The following GPHN variants were observed in gnomAD, a reference collection of about 807,000 sequenced individuals.
The protein encoded by GPHN is gephyrin.
Under a neutral mutation model 95.5 loss-of-function variants are expected in GPHN, and 17 were observed. The ratio of observed to expected loss-of-function variants is 0.18; its 90% CI spans 0.12 to 0.27. The LOEUF is 0.27. Ranked by LOEUF, GPHN falls within the 10% of genes least tolerant of loss-of-function variation. The pLI is 1.00. For missense variants in GPHN, 660 were observed against 978.1 expected, an observed-to-expected ratio of 0.67 and a Z score of 4.34; for synonymous variants, 320 against 322.5, an observed-to-expected ratio of 0.99 and a Z score of 0.08.
At chr14:66,611,509 A>G (rs763747086) in intron 1 of GPHN, among the ~76,000 whole-genome samples, 17 of 152,182 alleles carry the variant, frequency 1.1e-4, no homozygotes, top group Non-Finnish European at 2.2e-4. Context: ...GTTCCATAAC[A>G]AGGTTATTTT....
intron 18 of GPHN, among the ~76,000 whole-genome samples, chr14:67,157,891 G>T (rs1366275631): frequency 6.6e-6 from 1 of 151,778 alleles, no homozygotes; most frequent in Non-Finnish European, 1.5e-5. Flanking sequence ...AGGGGAGAAG[G>T]AAGGAAGGAA....
chr14:67,353,118 A>C, the GPHN span: 3 of 1,099,508 alleles, frequency 2.7e-6, no homozygotes, highest in Non-Finnish European at 4.0e-6. Flanking sequence ...ACCAGTGTTA[A>C]AATTATCCTT....
intron 5 of GPHN, among the ~76,000 whole-genome samples, chr14:66,890,663 A>G (rs903061769): frequency 3.3e-5 from 5 of 152,148 alleles, no homozygotes; most frequent in East Asian, 1.9e-4. Context: ...ATGTTGATGG[A>G]AAAATGCTCA....
At chr14:67,377,265 T>C in the GPHN span, among the ~76,000 whole-genome samples, 1 of 152,212 alleles carries the variant, frequency 6.6e-6, no homozygotes, top group Admixed American at 6.5e-5. Context: ...TCCTGCCTTC[T>C]CTGTACTTGT....
At chr14:66,772,405 C>T (rs1044788549) in intron 2 of GPHN, among the ~76,000 whole-genome samples, 2 of 152,148 alleles carry the variant, frequency 1.3e-5, no homozygotes, top group African/African-American at 4.8e-5. Context: ...TTTTGTTACT[C>T]CTGTGAATAA....
chr14:67,249,468 T>A, the GPHN span, among the ~76,000 whole-genome samples: 16 of 152,216 alleles, frequency 1.1e-4, no homozygotes, highest in Non-Finnish European at 4.4e-5. Context: ...ATCTGACACA[T>A]AGCAGATACT....
the GPHN span, among the ~76,000 whole-genome samples, chr14:67,298,301 G>T: frequency 3.3e-5 from 5 of 152,068 alleles, no homozygotes; most frequent in Non-Finnish European, 7.4e-5. Flanking sequence ...ACCACCTGAG[G>T]TCAGGAGTTC....
At chr14:67,408,621 G>C in the GPHN span, among the ~76,000 whole-genome samples, 1 of 152,142 alleles carries the variant, frequency 6.6e-6, no homozygotes, top group Non-Finnish European at 1.5e-5. Flanking sequence ...AACAGAGACA[G>C]TGGTTGCACT....
chr14:67,420,211 G>A, the GPHN span, among the ~76,000 whole-genome samples: 1 of 152,210 alleles, frequency 6.6e-6, no homozygotes, highest in East Asian at 1.9e-4. Context: ...GATGTGACTG[G>A]CCAGACTCCA....
intron 1 of GPHN, among the ~76,000 whole-genome samples, chr14:66,545,592 G>A (rs12890647): frequency 8.7e-6 from 1 of 114,534 alleles, no homozygotes. Context: ...GGACGGGGCG[G>A]CTGGCCGGGC....
At chr14:67,198,875 A>G in the GPHN span, 26 of 664,344 alleles carry the variant, frequency 3.9e-5, no homozygotes, top group Middle Eastern at 4.3e-3. Context: ...AAATGAGTTC[A>G]ATGATAGGGG....
At chr14:67,439,586 T>TTTCTTTCTTTCTTTC in the GPHN span, among the ~76,000 whole-genome samples, 463 of 139,506 alleles carry the variant, frequency 3.3e-3, 2 homozygotes, top group Middle Eastern at 7.0e-3. Flanking sequence ...TCTTTCTTTC[T>TTTCTTTCTTTCTTTC]TTCTTTCTTC....
intron 9 of GPHN, among the ~76,000 whole-genome samples, chr14:67,020,007 G>C (rs1345854205): frequency 6.6e-6 from 1 of 152,126 alleles, no homozygotes; most frequent in East Asian, 1.9e-4. Flanking sequence ...TGGAGGGTGG[G>C]GAGGTAAATG....
At chr14:67,249,603 A>G in the GPHN span, among the ~76,000 whole-genome samples, 1 of 152,314 alleles carries the variant, frequency 6.6e-6, no homozygotes, top group African/African-American at 2.4e-5. Context: ...AATAAGTTCA[A>G]ATATTAGAAA....
At chr14:67,708,781 C>A in the GPHN span, among the ~76,000 whole-genome samples, 1 of 150,130 alleles carries the variant, frequency 6.7e-6, no homozygotes, top group Non-Finnish European at 1.5e-5. Flanking sequence ...TCTAGGGAAC[C>A]TATTAATAAT....
the GPHN span, among the ~76,000 whole-genome samples, chr14:67,303,909 A>G: frequency 6.6e-6 from 1 of 152,006 alleles, no homozygotes; most frequent in Admixed American, 6.6e-5. Context: ...CTGGGATTCC[A>G]GGCGCATGCC....
At chr14:66,781,391 ATT>A (rs1210332141) in intron 3 of GPHN, among the ~76,000 whole-genome samples, 1 of 151,828 alleles carries the variant, frequency 6.6e-6, no homozygotes, top group African/African-American at 2.4e-5. Context: ...TAATTTTTGT[ATT>A]TTTAGTAGAG....
intron 1 of GPHN, among the ~76,000 whole-genome samples, chr14:66,637,874 T>C (rs958897014): frequency 1.3e-5 from 2 of 152,108 alleles, no homozygotes; most frequent in Admixed American, 1.3e-4. Context: ...CCAAGGTCCA[T>C]TGGATTCTGT....
At chr14:66,862,417 C>A (rs2063063299) in intron 4 of GPHN, among the ~76,000 whole-genome samples, 1 of 151,972 alleles carries the variant, frequency 6.6e-6, no homozygotes, top group African/African-American at 2.4e-5. Flanking sequence ...TAAGGAAGAA[C>A]TAATACCAAT....
Sources: allele counts gnomAD v4.1 joint callset (sites outside exome capture counted in the v4.1 genomes callset), GRCh38; gene constraint gnomAD v4.1.1; transcripts MANE v1.5; gene names NCBI Gene and HGNC (gene_info 2026-07-23, HGNC 2026-07-21).